Variants in EXOC6 observed in about 807,000 individuals in gnomAD.
EXOC6 encodes the protein SEC15-like 1.
EXOC6 carries 60 observed loss-of-function variants against 112.5 expected under a neutral mutation model. The ratio of observed to expected loss-of-function variants is 0.53; its 90% CI spans 0.43 to 0.66. The LOEUF (loss-of-function observed/expected upper bound fraction) is 0.66, where lower values mean the gene tolerates loss of function less well. Ranked by LOEUF, EXOC6 falls within the 30% of genes least tolerant of loss-of-function variation. The pLI is 0.00. For synonymous variants in EXOC6, 295 were observed against 308.0 expected (o/e 0.96, Z 0.44); for missense variants, 855 against 957.1 (o/e 0.89, Z 1.41).
chr10:92,928,446 GGTTAT>G, intron 9 of EXOC6, 24 bp downstream of exon 9: 3 of 1,441,176 alleles, frequency 2.1e-6, no homozygotes, highest in South Asian at 1.2e-5. Context: ...ATTTTGAATT[GGTTAT>G]GTTGTCACTT....
chr10:93,048,364 A>G (rs370825236), intron 20 of EXOC6, among the ~76,000 whole-genome samples: 19 of 152,122 alleles, frequency 1.2e-4, no homozygotes, highest in African/African-American at 4.6e-4. Context: ...GAAGGTTTTT[A>G]TTATTTTTCA....
At chr10:92,952,541 A>G (rs1443995270) in intron 15 of EXOC6, among the ~76,000 whole-genome samples, 159 bp downstream of exon 15, 2 of 152,136 alleles carry the variant, frequency 1.3e-5, no homozygotes, top group Admixed American at 6.6e-5. Context: ...GATTTGGGGT[A>G]TGCTTGAACG....
intron 17 of EXOC6, among the ~76,000 whole-genome samples, chr10:92,960,117 C>T (rs530026432): frequency 7.2e-5 from 11 of 152,290 alleles, no homozygotes; most frequent in Admixed American, 3.9e-4. Context: ...CCAAGATGTC[C>T]TTCAGTAGGT....
intron 1 of EXOC6, among the ~76,000 whole-genome samples, chr10:92,872,894 A>G (rs1430562846): frequency 6.6e-6 from 1 of 152,130 alleles, no homozygotes; most frequent in African/African-American, 2.4e-5. Flanking sequence ...ATTCCTGTAA[A>G]AGACTTGGGT....
intron 1 of EXOC6, among the ~76,000 whole-genome samples, chr10:92,869,108 A>G (rs965931076): frequency 2.6e-5 from 4 of 152,166 alleles, no homozygotes; most frequent in Admixed American, 6.5e-5. Flanking sequence ...TTCAGCATCT[A>G]TGAAGATGGT....
chr10:92,930,720 T>C (rs116293212), intron 9 of EXOC6, among the ~76,000 whole-genome samples: 2,228 of 152,156 alleles, frequency 0.015, 55 homozygotes, highest in African/African-American at 0.051. Context: ...TATAATGTAT[T>C]TATAGTATTT....
intron 20 of EXOC6, among the ~76,000 whole-genome samples, chr10:93,029,077 AC>A (rs1030726828): frequency 2.6e-5 from 4 of 152,078 alleles, no homozygotes; most frequent in African/African-American, 9.7e-5. Flanking sequence ...AGCAATCACC[AC>A]CCGAATGAGT....
intron 5 of EXOC6, among the ~76,000 whole-genome samples, chr10:92,902,081 T>TACAC (rs144352636): frequency 0.014 from 2,064 of 147,374 alleles, 50 homozygotes; most frequent in African/African-American, 0.048. Flanking sequence ...CACACACACA[T>TACAC]ACACACACAC....
At chr10:93,031,571 G>A (rs1056428221) in intron 20 of EXOC6, among the ~76,000 whole-genome samples, 1 of 139,234 alleles carries the variant, frequency 7.2e-6, no homozygotes, top group Non-Finnish European at 1.5e-5. Flanking sequence ...GGAGTGCAGT[G>A]GCGCAATCTC....
chr10:93,009,880 A>C (rs1298082364), intron 19 of EXOC6, among the ~76,000 whole-genome samples: 1 of 152,240 alleles, frequency 6.6e-6, no homozygotes, highest in Non-Finnish European at 1.5e-5. Flanking sequence ...ATGGGGAACT[A>C]TTGAAGGATG....
At chr10:93,005,773 T>C (rs1035233465) in intron 19 of EXOC6, among the ~76,000 whole-genome samples, 1 of 152,196 alleles carries the variant, frequency 6.6e-6, no homozygotes. Context: ...TAGCTCCAGA[T>C]TAAAGAGTGC....
intron 18 of EXOC6, among the ~76,000 whole-genome samples, chr10:92,976,334 A>C (rs1319092870): frequency 2.0e-5 from 3 of 152,204 alleles, no homozygotes; most frequent in Non-Finnish European, 4.4e-5. Flanking sequence ...TACTAAGAAA[A>C]ATACTTATCC....
intron 1 of EXOC6, among the ~76,000 whole-genome samples, chr10:92,881,390 G>A (rs1394025370): frequency 6.6e-6 from 1 of 152,092 alleles, no homozygotes; most frequent in Non-Finnish European, 1.5e-5. Flanking sequence ...TGTAAGATGT[G>A]CAAAGAATTT....
intron 20 of EXOC6, among the ~76,000 whole-genome samples, chr10:93,051,273 T>G (rs1222130721): frequency 6.6e-6 from 1 of 152,212 alleles, no homozygotes; most frequent in Admixed American, 6.5e-5. Context: ...TGAAGTTACT[T>G]GAAGAGACTA....
intron 4 of EXOC6, among the ~76,000 whole-genome samples, chr10:92,898,024 A>G (rs538322434): frequency 6.6e-6 from 1 of 152,270 alleles, no homozygotes; most frequent in Non-Finnish European, 1.5e-5. Flanking sequence ...TGTCTCAGAT[A>G]CTTGGAGTTC....
intron 18 of EXOC6, among the ~76,000 whole-genome samples, chr10:92,990,493 G>A (rs1026699503): frequency 6.6e-6 from 1 of 152,180 alleles, no homozygotes; most frequent in Non-Finnish European, 1.5e-5. Flanking sequence ...GAAGCCAGTG[G>A]ATTAGGAAAG....
At chr10:92,907,176 C>A (rs1233620480) in intron 5 of EXOC6, among the ~76,000 whole-genome samples, 1 of 151,944 alleles carries the variant, frequency 6.6e-6, no homozygotes, top group Admixed American at 6.6e-5. Flanking sequence ...TTCTCTGAAT[C>A]CTAGTTTTAG....
At chr10:92,847,431 G>A (rs974079442), upstream of EXOC6, among the ~76,000 whole-genome samples, 6 of 152,202 alleles carry the variant, frequency 3.9e-5, no homozygotes, top group Admixed American at 3.9e-4. Context: ...TTTGTGGGGA[G>A]GAGGCTGGAG....
At chr10:92,903,317 A>G (rs577716758) in intron 5 of EXOC6, among the ~76,000 whole-genome samples, 4 of 151,878 alleles carry the variant, frequency 2.6e-5, no homozygotes, top group African/African-American at 9.6e-5. Flanking sequence ...ATAGTATCTC[A>G]TTGTTTCAAT....
Sources: gnomAD v4.1 joint callset for allele counts (sites outside exome capture counted in the v4.1 genomes callset) on GRCh38, gnomAD v4.1.1 for gene constraint, MANE v1.5 for transcripts, NCBI Gene and HGNC (gene_info 2026-07-23, HGNC 2026-07-21) for gene names.